PDCD2: variants seen among roughly 807,000 people sequenced by gnomAD.
PDCD2 encodes the protein programmed cell death 2.
A neutral mutation model predicts 38.1 loss-of-function variants in PDCD2; 38 were observed. The ratio of observed to expected loss-of-function variants is 1.00; its 90% CI spans 0.77 to 1.31. PDCD2 has a LOEUF of 1.31. PDCD2 is among the 50% of genes most tolerant of loss of function. The pLI, the probability that PDCD2 is intolerant of heterozygous loss-of-function variation, is 0.00. For synonymous variants in PDCD2, 205 were observed against 168.9 expected (o/e 1.21, Z -1.66); for missense variants, 473 against 435.7 (o/e 1.09, Z -0.76).
chr6:170,577,903 C>T (rs1318663773), intron 5 of PDCD2, among the ~76,000 whole-genome samples, 186 bp from the exon 6 acceptor site: 1 of 152,210 alleles, frequency 6.6e-6, no homozygotes, highest in African/African-American at 2.4e-5. Context: ...GCCCCTCTCA[C>T]CTTCTGTTTG....
intron 3 of PDCD2, chr6:170,581,981 T>A (rs914741558): frequency 1.4e-6 from 1 of 736,176 alleles, no homozygotes; most frequent in Non-Finnish European, 2.0e-6. Context: ...ACATTTACAC[T>A]AACAAGGCAT....
At position 170,584,440 on chromosome 6, in the gene PDCD2, C is replaced by A; in HGVS notation, c.142G>T (p.Ala48Ser). 7.5e-7 allele frequency: 1 copy of A among 1,339,738 alleles called. No individual in the cohort carries two copies. The highest frequency in any genetic ancestry group is 9.5e-7 in the Non-Finnish European group (1 of 1,050,900). 83.0% of individuals were successfully genotyped at this position (1,339,738 alleles called of 1,614,324 possible). Residue 48 changes from alanine to serine, a missense_variant, in exon 1 of 6, where the codon GCC becomes TCC. Coordinates refer to ENST00000541970, the MANE Select transcript of PDCD2 (RefSeq NM_002598.4). ...LGAAGLPGPQ[A>S]LACELCGRPL... The stretch of plus-strand genomic sequence containing the variant: ...CGGCCGCACAGCTCGCAGGCCAGGG[C>A]CTGGGGCCCCGGCAGCCCGGCCGCG...
Position 170,583,486 on chromosome 6 carries a change from T to TA in PDCD2, c.526+18dup, listed in dbSNP as rs754847690. 209 of 1,592,934 alleles carry TA rather than the reference T, an allele frequency of 1.3e-4. 1 individual carries two copies. The Admixed American group carries it at 3.2e-3, about 24-fold the overall frequency. On this transcript the variant is annotated intron_variant, in intron 2 of 5. Transcript: ENST00000541970. ...AAGGCGATGAAACTGAACTGAGACT[T>TA]AAAAAAAAGATTACCCACCTGGTTG... is the stretch of plus-strand genomic sequence containing the variant.
chr6:170,578,544 A>G, intron 5 of PDCD2: 5 of 689,524 alleles, frequency 7.3e-6, no homozygotes, highest in Non-Finnish European at 7.9e-6. Flanking sequence ...ATTATTTAAA[A>G]TAACAAAAGT....
At chr6:170,578,034 G>C (rs1311260503) in intron 5 of PDCD2, among the ~76,000 whole-genome samples, 1 of 152,156 alleles carries the variant, frequency 6.6e-6, no homozygotes, top group Non-Finnish European at 1.5e-5. Context: ...TATCATTGCA[G>C]ATGTTGTTAC....
chr6:170,576,361 G>T lies in PDCD2; in HGVS notation c.*1198C>A, dbSNP rs575166983. ...GTGATGTTACCTATGAAAACGTGAG[G>T]ATTTATGGTGGCAATGCATTTCAGT... On this transcript the variant is annotated 3_prime_UTR_variant, in exon 6 of 6. Transcript: ENST00000541970. 2.0e-5 allele frequency: 3 copies of T among 152,342 alleles called. No homozygotes were observed. In the South Asian group the frequency reaches 6.2e-4, roughly 32 times the overall value. 9.4% of individuals were successfully genotyped at this position (152,342 alleles called of 1,614,324 possible).
intron 1 of PDCD2, 79 bp downstream of exon 1, chr6:170,584,220 T>TC (rs985172016): frequency 5.1e-5 from 66 of 1,282,932 alleles, no homozygotes; most frequent in Middle Eastern, 6.1e-4. Context: ...CTTGCCGCCG[T>TC]CCCCCTGGTC....
At chr6:170,582,692 A>G in intron 3 of PDCD2, 1 of 1,210,980 alleles carries the variant, frequency 8.3e-7, no homozygotes, top group Non-Finnish European at 1.0e-6. Flanking sequence ...TGGCCAGATG[A>G]AAGAGAAACT....
intron 3 of PDCD2, among the ~76,000 whole-genome samples, chr6:170,580,522 C>A (rs1779563972): frequency 6.6e-6 from 1 of 152,136 alleles, no homozygotes; most frequent in African/African-American, 2.4e-5. Flanking sequence ...CAAGACCAGC[C>A]TGGCCAACAT....
rs202247759 is a variant in PDCD2 at position 170,580,039 on chromosome 6, T to G, written c.725A>C (p.Gln242Pro). The change falls in exon 4 of 6, where the codon CAG (glutamine) becomes CCG (proline). Residue 242 changes from glutamine to proline, a missense_variant. Physicochemically the swap from Gln to Pro is moderately conservative, Grantham distance 76 (BLOSUM62 -1). Transcript: ENST00000541970. Reference protein sequence around the residue: ...KHESREDKIFQKFKTQIALEP... With the variant: ...KHESREDKIFPKFKTQIALEP... ...AAGGGCTATCTGAGTTTTAAACTTC[T>G]GAAAAATTTTATCTTCCCTGGATTC... The G allele has an allele frequency of 6.2e-7, 1 of 1,610,858 alleles. No homozygotes were observed. Among genetic ancestry groups the G allele is most frequent in the Non-Finnish European group, 8.5e-7 (1 of 1,177,178 alleles).
At chr6:170,580,631 CTT>C (rs893977533) in intron 3 of PDCD2, among the ~76,000 whole-genome samples, 4 of 152,240 alleles carry the variant, frequency 2.6e-5, no homozygotes, top group African/African-American at 9.6e-5. Context: ...AGGAGAGTCA[CTT>C]GAACCTGGGA....
Position 170,575,902 on chromosome 6 carries a change from C to T in PDCD2, c.*1657G>A, listed in dbSNP as rs1157768148. 1.3e-5 allele frequency: 2 copies of T among 152,172 alleles called. No individual in the cohort carries two copies. The highest frequency in any genetic ancestry group is 2.9e-5 in the Non-Finnish European group (2 of 68,034). 9.4% of individuals were successfully genotyped at this position (152,172 alleles called of 1,614,324 possible). A position where few individuals can be genotyped will look rare whatever the true frequency, so the allele number is the denominator to read the frequency against. ...CATAGAAAGATCGTTAACATGTTTG[C>T]TTTAAAAGTCATTAGCAGTCATAAC... On this transcript the variant is annotated 3_prime_UTR_variant, in exon 6 of 6. Coordinates refer to ENST00000541970, the MANE Select transcript of PDCD2 (RefSeq NM_002598.4).
Position 170,583,727 on chromosome 6 carries a change from T to C in PDCD2, c.304A>G (p.Arg102Gly), listed in dbSNP as rs1302325047. The change falls in exon 2 of 6, where the codon AGG becomes GGG. Residue 102 changes from arginine (R) to glycine (G), a missense_variant. Physicochemically the swap from Arg to Gly is moderately radical, Grantham distance 125. Transcript: ENST00000541970. ...GLRVFRNQLPRKNDFYSYEPP... is the reference protein window; with the variant it reads ...GLRVFRNQLPGKNDFYSYEPP... ...TCATATGAGTAAAAATCGTTTTTCC[T>C]GGGTAGTTGATTCCTAAAAACTAAA... is the stretch of plus-strand genomic sequence containing the variant. 4 of 1,611,006 alleles carry C rather than the reference T, an allele frequency of 2.5e-6. No individual in the cohort carries two copies. Among genetic ancestry groups the C allele is most frequent in the Admixed American group, 1.7e-5 (1 of 59,664 alleles).
In PDCD2 at chr6:170,583,698, T is replaced by C. The variant is rs1275525721; in HGVS notation, c.333A>G (p.Pro111=). ...PRKNDFYSYE[P]PSENPPPETG... ...TTTCTGGGGGAGGATTCTCAGAAGGTGGCTCATATGAGTAAAAATCGTTTT... is the reference window on the plus strand; with the variant it reads ...TTTCTGGGGGAGGATTCTCAGAAGGCGGCTCATATGAGTAAAAATCGTTTT... Residue 111 remains proline (P), a synonymous_variant, in exon 2 of 6, where the codon CCA becomes CCG. Transcript: ENST00000541970. 1.2e-6 allele frequency: 2 copies of C among 1,612,774 alleles called. No homozygotes were observed. Among genetic ancestry groups the C allele is most frequent in the East Asian group, 4.5e-5 (2 of 44,858 alleles).
chr6:170,579,048 A>T (rs540360339), intron 4 of PDCD2, 78 bp from the exon 5 acceptor site: 1 of 844,802 alleles, frequency 1.2e-6, no homozygotes, highest in Admixed American at 2.4e-5. Context: ...TATCTACTCC[A>T]TGAATGTTCC....
chr6:170,584,444 G>C lies in PDCD2; in HGVS notation c.138C>G (p.Pro46=), dbSNP rs749923770. ...AWLGAAGLPG[P]QALACELCGR... ...CGCACAGCTCGCAGGCCAGGGCCTG[G>C]GGCCCCGGCAGCCCGGCCGCGCCCA... Residue 46 remains proline (P), a synonymous_variant, in exon 1 of 6, where the codon CCC becomes CCG. Coordinates refer to ENST00000541970, the MANE Select transcript of PDCD2 (RefSeq NM_002598.4). 6 of 1,330,124 alleles carry C rather than the reference G, an allele frequency of 4.5e-6. No individual in the cohort carries two copies. The highest frequency in any genetic ancestry group is 3.0e-5 in the African/African-American group (2 of 65,730). 82.4% of individuals were successfully genotyped at this position (1,330,124 alleles called of 1,614,324 possible).
intron 5 of PDCD2, 183 bp downstream of exon 5, chr6:170,578,674 A>AG (rs1779513043): frequency 1.4e-6 from 1 of 704,682 alleles, no homozygotes; most frequent in African/African-American, 1.7e-5. Context: ...ACAGAAAAAA[A>AG]CAAGACAGTT....
At chr6:170,582,880 T>G (rs1368282720) in intron 3 of PDCD2, 177 bp downstream of exon 3, 25 of 1,422,966 alleles carry the variant, frequency 1.8e-5, no homozygotes, top group South Asian at 1.3e-4. Flanking sequence ...ACACCTCTTA[T>G]GTGTCAGAAA....
chr6:170,580,676 T>C (rs759722023), intron 3 of PDCD2, among the ~76,000 whole-genome samples: 3 of 151,972 alleles, frequency 2.0e-5, no homozygotes, highest in African/African-American at 4.8e-5. Context: ...GATGGTGACA[T>C]TGCACTCCAG....
Sources: allele counts gnomAD v4.1 joint callset (sites outside exome capture counted in the v4.1 genomes callset), GRCh38; gene constraint gnomAD v4.1.1; transcripts MANE v1.5; gene names NCBI Gene and HGNC (gene_info 2026-07-23, HGNC 2026-07-21).